The following KIF16B variants were observed in gnomAD, a reference collection of about 807,000 sequenced individuals.
KIF16B encodes kinesin-like protein KIF16B.
A neutral mutation model predicts 156.3 loss-of-function variants in KIF16B; 98 were observed. The ratio of observed to expected loss-of-function variants is 0.63; its 90% confidence interval spans 0.53 to 0.74. The LOEUF (loss-of-function observed/expected upper bound fraction) is 0.74. Ranked by LOEUF, KIF16B falls within the 30% of genes least tolerant of loss-of-function variation. The pLI is 0.00. For synonymous variants in KIF16B, 564 were observed against 583.7 expected (o/e 0.97, Z 0.49); for missense variants, 1,421 against 1,606.5 (o/e 0.88, Z 1.97).
Position 16,468,242 on chromosome 20 carries a change from T to G in KIF16B, c.1302+26049A>C, listed in dbSNP as rs534382081. On this transcript the variant is annotated intron_variant, in intron 12 of 25. Coordinates refer to ENST00000354981, the MANE Select transcript of KIF16B (RefSeq NM_024704.5). Reference sequence around the variant, plus strand: ...GTAGCTGTACTGATTTCAGACAGAGTAAATGTCAGAACTTAGAAAGTTGTC... The same window carrying G: ...GTAGCTGTACTGATTTCAGACAGAGGAAATGTCAGAACTTAGAAAGTTGTC... Among the ~76,000 whole-genome samples, 4 of 151,978 alleles carry G rather than the reference T, an allele frequency of 2.6e-5. No individual in the cohort carries two copies. The South Asian group carries it at 8.3e-4, about 32-fold the overall frequency.
Position 16,504,431 on chromosome 20 carries a change from T to C in KIF16B, c.1117A>G (p.Ile373Val). Residue 373 changes from isoleucine (I) to valine (V), a missense_variant, in exon 10 of 26, where the codon ATC becomes GTC. Ile to Val is a conservative substitution (Grantham distance 29). Coordinates refer to ENST00000354981, the MANE Select transcript of KIF16B (RefSeq NM_024704.5). ...GCTATTTCAGCTCGCAGCTCACGGATAAGTTTGACGTTGGCATCCTCATTA... is the reference window on the plus strand; with the variant it reads ...GCTATTTCAGCTCGCAGCTCACGGACAAGTTTGACGTTGGCATCCTCATTA... Reference protein sequence around the residue: ...TINEDANVKLIRELRAEIARL... With the variant: ...TINEDANVKLVRELRAEIARL... The C allele has an allele frequency of 6.2e-7, 1 of 1,614,180 alleles. No homozygotes were observed. Among genetic ancestry groups the C allele is most frequent in the Non-Finnish European group, 8.5e-7 (1 of 1,180,002 alleles).
At position 16,380,135 on chromosome 20, in the gene KIF16B, G is replaced by C. The variant is rs1263740189; in HGVS notation, c.1867C>G (p.Gln623Glu). The change falls in exon 19 of 26, where the codon CAG (glutamine) becomes GAG (glutamate). Residue 623 changes from glutamine (Q) to glutamate (E), a missense_variant. By Grantham distance (29) the Gln-to-Glu change is conservative. Coordinates refer to ENST00000354981, the MANE Select transcript of KIF16B (RefSeq NM_024704.5). ...RKLIEEMEEKQKSDKAELERM... is the reference protein window; with the variant it reads ...RKLIEEMEEKEKSDKAELERM... ...TCCAGTTCAGCCTTGTCTGATTTCTGCTTTTCCTCCATTTCTTCTATGAGT... is the reference window on the plus strand; with the variant it reads ...TCCAGTTCAGCCTTGTCTGATTTCTCCTTTTCCTCCATTTCTTCTATGAGT... 3 of 1,511,398 alleles carry C rather than the reference G, an allele frequency of 2.0e-6. No individual in the cohort carries two copies. In the South Asian group the frequency reaches 4.2e-5, roughly 21 times the overall value. The allele number at this position is 1,511,398 out of a possible 1,614,324, so 93.6% of individuals were successfully genotyped here.
intron 22 of KIF16B, chr20:16,367,477 A>C (rs1471181844): frequency 3.1e-6 from 5 of 1,612,924 alleles, no homozygotes; most frequent in Non-Finnish European, 1.7e-6. Flanking sequence ...GCGTGGATAA[A>C]AAACACAGTC....
chr20:16,404,863 G>A lies in KIF16B; in HGVS notation c.1734C>T (p.Asp578=). ...LLSSFSLSMT[D]LSKSRENLSA... Reference sequence around the variant, plus strand: ...ACAGGTTCTCACGGGACTTCGAGAGGTCGGTCATGGACAAGCTGAAGGAGG... The same window carrying A: ...ACAGGTTCTCACGGGACTTCGAGAGATCGGTCATGGACAAGCTGAAGGAGG... The change falls in exon 17 of 26, where the codon GAC becomes GAT. Residue 578 remains aspartate, a synonymous_variant. Coordinates refer to ENST00000354981, the MANE Select transcript of KIF16B (RefSeq NM_024704.5). 2 of 1,613,554 alleles carry A rather than the reference G, an allele frequency of 1.2e-6. No homozygotes were observed. Among genetic ancestry groups the A allele is most frequent in the African/African-American group, 1.3e-5 (1 of 75,008 alleles).
intron 12 of KIF16B, 52 bp downstream of exon 12, chr20:16,494,239 T>G: frequency 6.2e-6 from 7 of 1,136,334 alleles, no homozygotes; most frequent in Non-Finnish European, 9.0e-6. Flanking sequence ...AAAAAAAGTT[T>G]TACCAGTTTA....
chr20:16,440,920 A>G (rs1377582760), intron 12 of KIF16B, among the ~76,000 whole-genome samples: 1 of 152,200 alleles, frequency 6.6e-6, no homozygotes, highest in Non-Finnish European at 1.5e-5. Context: ...CAAATCATCG[A>G]GATGTCAGGA....
At chr20:16,433,353 C>T (rs1600385072) in intron 12 of KIF16B, among the ~76,000 whole-genome samples, 1 of 151,696 alleles carries the variant, frequency 6.6e-6, no homozygotes, top group African/African-American at 2.4e-5. Context: ...AGACAATAAC[C>T]CCCCACCCCC....
chr20:16,450,078 T>C (rs537265552), intron 12 of KIF16B, among the ~76,000 whole-genome samples: 1 of 152,268 alleles, frequency 6.6e-6, no homozygotes, highest in Admixed American at 6.5e-5. Context: ...ATGGCAAACA[T>C]ACGCTTTTCA....
intron 1 of KIF16B, among the ~76,000 whole-genome samples, chr20:16,543,965 C>T (rs2070302806): frequency 6.6e-6 from 1 of 152,198 alleles, no homozygotes. Context: ...AGCTGGCACT[C>T]CTAATCTGAT....
chr20:16,461,640 T>C (rs533825141), intron 12 of KIF16B, among the ~76,000 whole-genome samples: 5 of 152,354 alleles, frequency 3.3e-5, no homozygotes, highest in African/African-American at 1.2e-4. Context: ...GACAGATTTC[T>C]TAATGGAATA....
intron 22 of KIF16B, 67 bp from the exon 23 acceptor site, chr20:16,356,519 C>T: frequency 6.3e-7 from 1 of 1,579,262 alleles, no homozygotes; most frequent in Non-Finnish European, 8.7e-7. Context: ...AAATATCCTG[C>T]TCGGGTAGGA....
intron 12 of KIF16B, among the ~76,000 whole-genome samples, chr20:16,483,641 T>C (rs1230639211): frequency 6.6e-6 from 1 of 152,128 alleles, no homozygotes; most frequent in Non-Finnish European, 1.5e-5. Flanking sequence ...TCCCCTTATA[T>C]AACAGGAACT....
At chr20:16,537,292 G>A (rs897460946) in intron 1 of KIF16B, among the ~76,000 whole-genome samples, 2 of 151,964 alleles carry the variant, frequency 1.3e-5, no homozygotes, top group Non-Finnish European at 2.9e-5. Flanking sequence ...CTCTTCCCAC[G>A]GTCAACTCCC....
intron 23 of KIF16B, among the ~76,000 whole-genome samples, chr20:16,352,535 T>C (rs370838800): frequency 6.6e-6 from 1 of 152,138 alleles, no homozygotes. Context: ...CTTTCTGCCC[T>C]CCCTTGAAAT....
intron 25 of KIF16B, among the ~76,000 whole-genome samples, chr20:16,299,931 A>C (rs1378426903): frequency 1.3e-5 from 2 of 152,204 alleles, no homozygotes; most frequent in African/African-American, 4.8e-5. Flanking sequence ...ATCGCAAATA[A>C]TACTACAAGA....
intron 3 of KIF16B, among the ~76,000 whole-genome samples, chr20:16,518,243 G>C (rs987827296): frequency 6.6e-6 from 1 of 152,158 alleles, no homozygotes; most frequent in African/African-American, 2.4e-5. Flanking sequence ...GTCTTGGCAA[G>C]GAAATCGAGA....
intron 12 of KIF16B, among the ~76,000 whole-genome samples, chr20:16,469,514 C>A (rs749202320): frequency 2.7e-5 from 4 of 148,702 alleles, no homozygotes; most frequent in East Asian, 2.0e-4. Context: ...GCATTCAATG[C>A]GTGTTAGAAT....
At chr20:16,497,554 T>C (rs780024757) in intron 11 of KIF16B, 59 bp downstream of exon 11, 1 of 1,326,956 alleles carries the variant, frequency 7.5e-7, no homozygotes, top group African/African-American at 1.5e-5. Context: ...TAAAAAAGCA[T>C]GCACTTAAAA....
At position 16,410,932 on chromosome 20, in the gene KIF16B, T is replaced by C. The variant is rs564004541; in HGVS notation, c.1613-4476A>G. 2.0e-4 allele frequency among the ~76,000 whole-genome samples: 30 copies of C among 151,836 alleles called. No homozygotes were observed. The East Asian group carries it at 5.6e-3, about 29-fold the overall frequency. On this transcript the variant is annotated intron_variant, in intron 15 of 25. Coordinates refer to ENST00000354981, the MANE Select transcript of KIF16B (RefSeq NM_024704.5). ...GTAGGGGCTGCCTCATTGTCTGCAG[T>C]CAGTGTCTTTCTAGAGCAATAATGC...
Sources: gnomAD v4.1 joint callset for allele counts (sites outside exome capture counted in the v4.1 genomes callset) on GRCh38, gnomAD v4.1.1 for gene constraint, MANE v1.5 for transcripts, NCBI Gene and HGNC (gene_info 2026-07-23, HGNC 2026-07-21) for gene names.